The following TGM2 variants were observed in gnomAD, a reference collection of about 807,000 sequenced individuals.
TGM2 encodes transglutaminase 2, also known as protein-glutamine gamma-glutamyltransferase 2.
Under a neutral mutation model 75.6 loss-of-function variants are expected in TGM2, and 53 were observed. That is an observed-to-expected ratio of 0.70 (90% CI 0.56 to 0.88). The LOEUF is 0.88. TGM2 is among the 40% of genes least tolerant of loss of function. TGM2 has a pLI of 0.00. For synonymous variants in TGM2, 374 were observed against 381.1 expected (o/e 0.98, Z 0.22); for missense variants, 842 against 928.5 (o/e 0.91, Z 1.21).
Position 38,153,162 on chromosome 20 carries a change from C to T in TGM2, c.434-2105G>A, listed in dbSNP as rs114539024. Among the ~76,000 whole-genome samples the T allele has an allele frequency of 1.9e-3, 294 of 152,290 alleles. 2 individuals are homozygous for T. The highest frequency in any genetic ancestry group is 6.7e-3 in the African/African-American group (279 of 41,566). Reference sequence around the variant, plus strand: ...TGCCATGAGCCTCCAGGCACAACCTCATGTCCATCAGTGGGGGCTGGACCA... The same window carrying T: ...TGCCATGAGCCTCCAGGCACAACCTTATGTCCATCAGTGGGGGCTGGACCA... On this transcript the variant is annotated intron_variant, in intron 3 of 12. Transcript: ENST00000361475.
intron 2 of TGM2, among the ~76,000 whole-genome samples, chr20:38,156,870 G>A (rs1313605562): frequency 6.6e-6 from 1 of 152,224 alleles, no homozygotes; most frequent in Non-Finnish European, 1.5e-5. Context: ...CGCATCTGAA[G>A]TGGGTCTTTA....
Position 38,165,251 on chromosome 20 carries a change from G to A in TGM2, c.-53C>T, listed in dbSNP as rs2075299504. 1 of 1,610,582 alleles carries A rather than the reference G, an allele frequency of 6.2e-7. No homozygotes were observed. Among genetic ancestry groups the A allele is most frequent in the East Asian group, 2.2e-5 (1 of 44,874 alleles). On this transcript the variant is annotated 5_prime_UTR_variant, in exon 1 of 13. Transcript: ENST00000361475. ...ACTGGCGGCGAGACCCTCCAAGTGC[G>A]ACCACTGGCGGCTGGCACTGCCGAG...
intron 10 of TGM2, among the ~76,000 whole-genome samples, chr20:38,134,407 C>T (rs1207302542): frequency 6.6e-6 from 1 of 152,152 alleles, no homozygotes; most frequent in Non-Finnish European, 1.5e-5. Flanking sequence ...TAGCTAGCTC[C>T]ACAGGAAAGA....
At chr20:38,135,685 C>T (rs745860067) in intron 10 of TGM2, among the ~76,000 whole-genome samples, 9 of 152,054 alleles carry the variant, frequency 5.9e-5, no homozygotes, top group Non-Finnish European at 1.0e-4. Flanking sequence ...GTCCTTTCTA[C>T]ACCACCGAGG....
At chr20:38,163,330 G>A (rs866616908) in intron 1 of TGM2, among the ~76,000 whole-genome samples, 1 of 152,194 alleles carries the variant, frequency 6.6e-6, no homozygotes, top group Non-Finnish European at 1.5e-5. Flanking sequence ...AAGTCACGCC[G>A]CAAGTTGGTC....
chr20:38,145,841 C>A (rs8123979), intron 6 of TGM2: 3,862 of 146,362 alleles, frequency 0.026, 95 homozygotes, highest in African/African-American at 0.065. Context: ...GCAATCATAG[C>A]TCATTGCAGC....
At chr20:38,164,041 A>T (rs2075283959) in intron 1 of TGM2, among the ~76,000 whole-genome samples, 1 of 152,224 alleles carries the variant, frequency 6.6e-6, no homozygotes, top group Non-Finnish European at 1.5e-5. Context: ...AGAAGTGGCC[A>T]CTGTGACATG....
rs45532238 is a variant in TGM2 at position 38,141,533 on chromosome 20, TC to T, written c.996-149del. On this transcript the variant is annotated intron_variant, in intron 7 of 12. Coordinates refer to ENST00000361475, the MANE Select transcript of TGM2 (RefSeq NM_004613.4). The stretch of plus-strand genomic sequence containing the variant: ...GGGTGTCTCCCCACTGCCTTGTTCT[TC>T]CCCCCACGGGGGCCCATCTCACAGC... 633 of 694,910 alleles carry T rather than the reference TC, an allele frequency of 9.1e-4. 1 individual carries two copies. Among genetic ancestry groups the T allele is most frequent in the Middle Eastern group, 6.2e-3 (16 of 2,594 alleles). The allele number at this position is 694,910 out of a possible 1,614,324, so 43.0% of individuals were successfully genotyped here.
intron 2 of TGM2, among the ~76,000 whole-genome samples, chr20:38,156,416 G>C (rs1379371348): frequency 6.6e-6 from 1 of 152,266 alleles, no homozygotes; most frequent in Non-Finnish European, 1.5e-5. Flanking sequence ...GATGTGACTC[G>C]GGACAAGCCC....
chr20:38,141,187 G>A, intron 8 of TGM2, 95 bp downstream of exon 8: 1 of 972,770 alleles, frequency 1.0e-6, no homozygotes, highest in Non-Finnish European at 1.6e-6. Context: ...GTCTCCGGGT[G>A]AGCTCCTAGT....
chr20:38,162,292 G>A (rs968909787), intron 1 of TGM2, among the ~76,000 whole-genome samples: 1 of 152,176 alleles, frequency 6.6e-6, no homozygotes, highest in Non-Finnish European at 1.5e-5. Flanking sequence ...CAATAAACAC[G>A]AGCTATTCTA....
At chr20:38,146,645 C>A in intron 6 of TGM2, 72 bp downstream of exon 6, 1 of 1,582,142 alleles carries the variant, frequency 6.3e-7, no homozygotes. Context: ...GCAGGGATGT[C>A]CTGATTCCTA....
chr20:38,167,830 G>T (rs140948265), upstream of TGM2, among the ~76,000 whole-genome samples: 1 of 152,150 alleles, frequency 6.6e-6, no homozygotes, highest in Non-Finnish European at 1.5e-5. Context: ...GGTATGTCAC[G>T]CAGCTCTGGG....
rs45559641 is a variant in TGM2, at chr20:38,136,129, G to A, written c.1615+1984C>T. Reference sequence around the variant, plus strand: ...CCTCTGAGGGCCTGGCCCCTGCTGAGGAGTCTGCCCCGGGCCGGACAGTGG... The same window carrying A: ...CCTCTGAGGGCCTGGCCCCTGCTGAAGAGTCTGCCCCGGGCCGGACAGTGG... On this transcript the variant is annotated intron_variant, in intron 10 of 12. Transcript: ENST00000361475. Among the ~76,000 whole-genome samples the A allele has an allele frequency of 2.5e-3, 375 of 152,324 alleles. 1 individual carries two copies. The highest frequency in any genetic ancestry group is 3.3e-3 in the Non-Finnish European group (226 of 68,012).
intron 1 of TGM2, among the ~76,000 whole-genome samples, chr20:38,164,707 G>C (rs1322882116): frequency 6.6e-6 from 1 of 152,160 alleles, no homozygotes; most frequent in Admixed American, 6.5e-5. Context: ...ATTTCCGAAG[G>C]CTCCTGGATA....
Position 38,147,981 on chromosome 20 carries a change from C to T in TGM2, c.661G>A (p.Gly221Ser). ...CTCACCATGCCACTCACCACCCGGCCCACGTAGACGGGGCTGCTGCGGCGG... is the reference window on the plus strand; with the variant it reads ...CTCACCATGCCACTCACCACCCGGCTCACGTAGACGGGGCTGCTGCGGCGG... ...CSRRSSPVYV[G>S]RVVSGMVNCN... The change falls in exon 5 of 13, where the codon GGC (glycine) becomes AGC (serine). Residue 221 changes from glycine to serine, a missense_variant. Coordinates refer to ENST00000361475, the MANE Select transcript of TGM2 (RefSeq NM_004613.4). 6.2e-7 allele frequency: 1 copy of T among 1,612,652 alleles called. No homozygotes were observed. Among genetic ancestry groups the T allele is most frequent in the Admixed American group, 1.7e-5 (1 of 59,920 alleles).
At chr20:38,145,084 G>A (rs2075028814) in intron 6 of TGM2, among the ~76,000 whole-genome samples, 1 of 152,176 alleles carries the variant, frequency 6.6e-6, no homozygotes, top group African/African-American at 2.4e-5. Context: ...GCATGAAGGA[G>A]TTTCCACAAG....
At chr20:38,150,311 A>C (rs1354368258) in intron 4 of TGM2, among the ~76,000 whole-genome samples, 1 of 152,238 alleles carries the variant, frequency 6.6e-6, no homozygotes, top group Non-Finnish European at 1.5e-5. Context: ...AGCCCAGCCT[A>C]GACAGCCATG....
chr20:38,137,283 G>A (rs554916243), intron 10 of TGM2, among the ~76,000 whole-genome samples: 6 of 152,206 alleles, frequency 3.9e-5, no homozygotes, highest in South Asian at 2.1e-4. Flanking sequence ...CCAGGAGTCC[G>A]AGACCAGCCT....
Sources: allele counts gnomAD v4.1 joint callset (sites outside exome capture counted in the v4.1 genomes callset), GRCh38; gene constraint gnomAD v4.1.1; transcripts MANE v1.5; gene names NCBI Gene and HGNC (gene_info 2026-07-23, HGNC 2026-07-21).